HFM1: variants seen among roughly 807,000 people sequenced by gnomAD.
HFM1 encodes helicase for meiosis 1.
Under a neutral mutation model 192.1 loss-of-function variants are expected in HFM1, and 169 were observed. That is an observed-to-expected ratio of 0.88 (90% confidence interval 0.78 to 1.00). HFM1 has a LOEUF of 1.00. Among genes scored for constraint, HFM1 ranks in the 50% least tolerant of loss-of-function variants. The probability of loss-of-function intolerance (pLI) is 0.00; values close to 1 mark genes in which losing one functional copy is unlikely to be tolerated. For missense variants in HFM1, 1,661 were observed against 1,668.0 expected (o/e 1.00, Z 0.07); for synonymous variants, 525 against 537.8 (o/e 0.98, Z 0.33).
At chr1:91,375,336 A>C in intron 13 of HFM1, 22 bp downstream of exon 13, 1 of 1,569,164 alleles carries the variant, frequency 6.4e-7, no homozygotes, top group Non-Finnish European at 8.7e-7. Flanking sequence ...TTCTACTTCC[A>C]TGAAAAAATA....
chr1:91,331,432 A>G (rs1438227046), intron 20 of HFM1, among the ~76,000 whole-genome samples: 1 of 152,206 alleles, frequency 6.6e-6, no homozygotes, highest in African/African-American at 2.4e-5. Flanking sequence ...CTTTGTAATT[A>G]AAACTATAAA....
chr1:91,278,702 A>T (rs567083381), intron 30 of HFM1, among the ~76,000 whole-genome samples: 14 of 152,172 alleles, frequency 9.2e-5, no homozygotes, highest in Non-Finnish European at 1.8e-4. Flanking sequence ...GCTGCTCAAC[A>T]TATGAGGCAA....
intron 29 of HFM1, 86 bp from the exon 30 acceptor site, chr1:91,313,581 C>T (rs2101144579): frequency 1.1e-6 from 1 of 921,066 alleles, no homozygotes; most frequent in East Asian, 2.8e-5. Context: ...ATCTCTCTTA[C>T]ATTTTTATAA....
intron 30 of HFM1, among the ~76,000 whole-genome samples, chr1:91,304,767 C>G (rs1326003840): frequency 6.6e-6 from 1 of 152,074 alleles, no homozygotes; most frequent in African/African-American, 2.4e-5. Flanking sequence ...GTGTTAGCCA[C>G]TGCACCTGGC....
At chr1:91,299,809 C>G (rs1346159019) in intron 30 of HFM1, among the ~76,000 whole-genome samples, 2 of 152,162 alleles carry the variant, frequency 1.3e-5, no homozygotes, top group African/African-American at 4.8e-5. Context: ...ATTTATAGCA[C>G]TAAATGCCCA....
chr1:91,404,767 T>TCC, intron 1 of HFM1, 31 bp downstream of exon 1: 1 of 443,292 alleles, frequency 2.3e-6, no homozygotes, highest in South Asian at 1.6e-5. Context: ...GTCCCCACCT[T>TCC]CCCCGCGGGC....
At chr1:91,392,563 A>T (rs1364421698) in intron 4 of HFM1, among the ~76,000 whole-genome samples, 1 of 151,808 alleles carries the variant, frequency 6.6e-6, no homozygotes, top group Non-Finnish European at 1.5e-5. Flanking sequence ...ACTTGCATAC[A>T]GGGTGGGGAA....
intron 29 of HFM1, 55 bp from the exon 30 acceptor site, chr1:91,313,550 T>C: frequency 8.3e-7 from 1 of 1,212,046 alleles, no homozygotes; most frequent in South Asian, 1.9e-5. Flanking sequence ...AATCCACATA[T>C]GAGAACACTT....
intron 19 of HFM1, among the ~76,000 whole-genome samples, chr1:91,346,484 T>A (rs1557886505): frequency 6.6e-6 from 1 of 152,220 alleles, no homozygotes. Flanking sequence ...ACATATTTAT[T>A]CTTTAAGCAA....
chr1:91,316,560 T>TA (rs767080020), intron 25 of HFM1, 84 bp from the exon 26 acceptor site: 6,568 of 448,082 alleles, frequency 0.015, 3 homozygotes, highest in East Asian at 0.021. Context: ...ACTAAATTAG[T>TA]AAAAAAAAAA....
Position 91,328,324 on chromosome 1 carries a change from G to A in HFM1, c.2336-3558C>T, listed in dbSNP as rs979074602. On this transcript the variant is annotated intron_variant, in intron 20 of 38. Transcript: ENST00000370425. ...CCTGCCCAGGGCAACCCTGAATCAAGCTTTAGCCGCCGAGGCCTCGTGTCC... is the reference window on the plus strand; with the variant it reads ...CCTGCCCAGGGCAACCCTGAATCAAACTTTAGCCGCCGAGGCCTCGTGTCC... 36 of 1,487,566 alleles carry A rather than the reference G, an allele frequency of 2.4e-5. No individual in the cohort carries two copies. In the African/African-American group the frequency reaches 3.6e-4, roughly 15 times the overall value. The allele number at this position is 1,487,566 out of a possible 1,614,324, so 92.1% of individuals were successfully genotyped here.
chr1:91,281,498 CT>C (rs1667457579), intron 30 of HFM1, among the ~76,000 whole-genome samples: 1 of 152,130 alleles, frequency 6.6e-6, no homozygotes, highest in Non-Finnish European at 1.5e-5. Context: ...TTTGAACTTC[CT>C]TTCATTAAGT....
chr1:91,288,119 T>A (rs1668237134), intron 30 of HFM1, among the ~76,000 whole-genome samples: 1 of 150,706 alleles, frequency 6.6e-6, no homozygotes, highest in Admixed American at 6.6e-5. Flanking sequence ...AGTTCCCCAA[T>A]CTAGCAAGGC....
At chr1:91,364,431 T>C (rs192269739) in intron 13 of HFM1, among the ~76,000 whole-genome samples, 67 of 151,450 alleles carry the variant, frequency 4.4e-4, no homozygotes, top group African/African-American at 1.6e-3. Context: ...AAGCAACCTC[T>C]TCTCTGGGTA....
At chr1:91,404,890 G>T, upstream of HFM1, 1 of 455,376 alleles carries the variant, frequency 2.2e-6, no homozygotes, top group South Asian at 1.6e-5. Flanking sequence ...CCAAGCAATG[G>T]ATCGCCCAAG....
intron 38 of HFM1, chr1:91,261,615 G>A (rs1289743494): frequency 4.2e-6 from 1 of 236,610 alleles, no homozygotes; most frequent in African/African-American, 2.2e-5. Flanking sequence ...ATTTAATAAA[G>A]GTGTGAATGG....
At chr1:91,388,089 G>T (rs535437757) in intron 4 of HFM1, among the ~76,000 whole-genome samples, 1 of 152,198 alleles carries the variant, frequency 6.6e-6, no homozygotes, top group African/African-American at 2.4e-5. Context: ...TGGGAACTCT[G>T]CACCCCCTCC....
At chr1:91,314,204 G>T in intron 28 of HFM1, 144 bp from the exon 29 acceptor site, 1 of 527,448 alleles carries the variant, frequency 1.9e-6, no homozygotes, top group East Asian at 3.0e-5. Context: ...CAACTTTTAA[G>T]GAGGGAGAAT....
intron 30 of HFM1, among the ~76,000 whole-genome samples, chr1:91,286,172 C>G (rs965272518): frequency 6.6e-6 from 1 of 152,160 alleles, no homozygotes; most frequent in African/African-American, 2.4e-5. Flanking sequence ...ATCTTTCTGT[C>G]CTATTCTAGT....
Sources: allele counts gnomAD v4.1 joint callset (sites outside exome capture counted in the v4.1 genomes callset), GRCh38; gene constraint gnomAD v4.1.1; transcripts MANE v1.5; gene names NCBI Gene and HGNC (gene_info 2026-07-23, HGNC 2026-07-21).